Variants in HS6ST3 observed in about 807,000 individuals in gnomAD.
HS6ST3 encodes heparan sulfate 6-O-sulfotransferase 3, also known as heparan-sulfate 6-O-sulfotransferase 3.
A neutral mutation model predicts 36.7 loss-of-function variants in HS6ST3; 12 were observed. The observed-to-expected ratio is 0.33, with a 90% CI of 0.21 to 0.53. The LOEUF (loss-of-function observed/expected upper bound fraction) is 0.53. Among genes scored for constraint, HS6ST3 ranks in the 20% least tolerant of loss-of-function variants. The probability of loss-of-function intolerance (pLI) is 0.95; values close to 1 mark genes in which losing one functional copy is unlikely to be tolerated. For missense variants in HS6ST3, 584 were observed against 640.9 expected, an observed-to-expected ratio of 0.91 and a Z score of 0.96; for synonymous variants, 240 against 257.5, an observed-to-expected ratio of 0.93 and a Z score of 0.65.
At chr13:96,615,135 T>C (rs982617186) in intron 1 of HS6ST3, among the ~76,000 whole-genome samples, 1 of 152,186 alleles carries the variant, frequency 6.6e-6, no homozygotes, top group African/African-American at 2.4e-5. Context: ...ATTGTGGTTT[T>C]TGCTATTAAT....
chr13:96,245,039 G>A (rs1291860652), intron 1 of HS6ST3, among the ~76,000 whole-genome samples: 1 of 152,086 alleles, frequency 6.6e-6, no homozygotes, highest in Non-Finnish European at 1.5e-5. Flanking sequence ...ATTTTACTTC[G>A]TAGCCTACTT....
At chr13:96,292,783 T>G (rs956495353) in intron 1 of HS6ST3, among the ~76,000 whole-genome samples, 5 of 152,270 alleles carry the variant, frequency 3.3e-5, no homozygotes, top group Non-Finnish European at 7.4e-5. Context: ...TTTCTAGTTA[T>G]TAAATTGAAA....
intron 1 of HS6ST3, among the ~76,000 whole-genome samples, chr13:96,356,070 A>C (rs1021825719): frequency 6.6e-6 from 1 of 152,174 alleles, no homozygotes; most frequent in African/African-American, 2.4e-5. Flanking sequence ...CCACATATTC[A>C]GGCTCATATT....
intron 1 of HS6ST3, among the ~76,000 whole-genome samples, chr13:96,227,414 G>C (rs554418782): frequency 6.6e-6 from 1 of 152,156 alleles, no homozygotes; most frequent in Non-Finnish European, 1.5e-5. Context: ...CAGATGTTAC[G>C]ATGAGGTAAA....
chr13:96,240,656 C>T (rs1178811425), intron 1 of HS6ST3, among the ~76,000 whole-genome samples: 2 of 151,980 alleles, frequency 1.3e-5, no homozygotes, highest in Non-Finnish European at 2.9e-5. Context: ...AGAAAAGTGG[C>T]AGAGATGGGT....
chr13:96,178,961 T>C (rs1594705892), intron 1 of HS6ST3, among the ~76,000 whole-genome samples: 1 of 152,264 alleles, frequency 6.6e-6, no homozygotes. Flanking sequence ...TACTAAGAAA[T>C]GGAGAGATTT....
intron 1 of HS6ST3, among the ~76,000 whole-genome samples, chr13:96,556,777 T>C (rs2056242594): frequency 6.6e-6 from 1 of 152,136 alleles, no homozygotes; most frequent in African/African-American, 2.4e-5. Context: ...ACCATCCACT[T>C]CTATGAGAAG....
intron 1 of HS6ST3, among the ~76,000 whole-genome samples, chr13:96,098,056 G>A (rs1292931704): frequency 2.0e-5 from 3 of 152,222 alleles, no homozygotes; most frequent in African/African-American, 7.2e-5. Flanking sequence ...AGTAAATATG[G>A]AGACCAGAGC....
At chr13:96,252,773 A>G (rs2054613412) in intron 1 of HS6ST3, among the ~76,000 whole-genome samples, 1 of 151,936 alleles carries the variant, frequency 6.6e-6, no homozygotes, top group Non-Finnish European at 1.5e-5. Flanking sequence ...TGCCCTCACA[A>G]TACTGAGTTT....
At chr13:96,442,546 T>G (rs1209653481) in intron 1 of HS6ST3, among the ~76,000 whole-genome samples, 1 of 152,162 alleles carries the variant, frequency 6.6e-6, no homozygotes, top group Non-Finnish European at 1.5e-5. Flanking sequence ...AGTTATGCAC[T>G]CTTTCTTAGG....
intron 1 of HS6ST3, among the ~76,000 whole-genome samples, chr13:96,142,788 G>T (rs562765684): frequency 6.6e-6 from 1 of 151,892 alleles, no homozygotes; most frequent in Non-Finnish European, 1.5e-5. Flanking sequence ...TATCCTTCTC[G>T]TGTGCTTATA....
intron 1 of HS6ST3, among the ~76,000 whole-genome samples, chr13:96,759,849 G>C (rs747325709): frequency 1.3e-5 from 2 of 151,668 alleles, no homozygotes; most frequent in Non-Finnish European, 2.9e-5. Flanking sequence ...GGATGTGAAG[G>C]GTCTATCCTA....
At chr13:96,098,075 C>CT (rs1337798205) in intron 1 of HS6ST3, among the ~76,000 whole-genome samples, 1 of 152,092 alleles carries the variant, frequency 6.6e-6, no homozygotes, top group African/African-American at 2.4e-5. Context: ...GCTTATTGGA[C>CT]TTATTGGACT....
intron 1 of HS6ST3, among the ~76,000 whole-genome samples, chr13:96,135,892 C>T (rs964986017): frequency 4.6e-5 from 7 of 152,236 alleles, no homozygotes; most frequent in Admixed American, 3.9e-4. Context: ...AGCACCTCCA[C>T]CCCCACCAAC....
At chr13:96,333,326 A>T (rs750212255) in intron 1 of HS6ST3, among the ~76,000 whole-genome samples, 35 of 152,216 alleles carry the variant, frequency 2.3e-4, no homozygotes, top group Non-Finnish European at 4.4e-4. Flanking sequence ...CACAGTGTAG[A>T]TGTAGAGCAA....
intron 1 of HS6ST3, among the ~76,000 whole-genome samples, chr13:96,589,708 T>C (rs2056375806): frequency 1.3e-5 from 2 of 152,160 alleles, no homozygotes; most frequent in African/African-American, 4.8e-5. Flanking sequence ...TTTGTATTTC[T>C]GTATTTAATT....
intron 1 of HS6ST3, among the ~76,000 whole-genome samples, chr13:96,205,016 A>G (rs959630626): frequency 7.9e-5 from 12 of 152,264 alleles, no homozygotes; most frequent in African/African-American, 2.9e-4. Context: ...ATAGAGACAC[A>G]AAAAACTCTT....
At chr13:96,285,010 C>T (rs137980377) in intron 1 of HS6ST3, among the ~76,000 whole-genome samples, 21 of 149,718 alleles carry the variant, frequency 1.4e-4, no homozygotes, top group African/African-American at 4.4e-4. Context: ...TGAGAATGTG[C>T]GTTGGCTGTG....
Position 96,443,529 on chromosome 13 carries a change from C to CAAAAA in HS6ST3, c.707+351976_707+351980dup, listed in dbSNP as rs10676564. Among the ~76,000 whole-genome samples, 10 of 76,400 alleles carry CAAAAA rather than the reference C, an allele frequency of 1.3e-4. 1 individual carries two copies. The highest frequency in any genetic ancestry group is 1.5e-4 in the Admixed American group (1 of 6,680). The allele number at this position is 76,400 out of a possible 152,430, so 50.1% of individuals were successfully genotyped here. On this transcript the variant is annotated intron_variant, in intron 1 of 1. Coordinates refer to ENST00000376705, the MANE Select transcript of HS6ST3 (RefSeq NM_153456.4). ...TGGGGGACAGAGCGAGACTCCGTCT[C>CAAAAA]AAAAAAAAAAAAAAAAAAAAGCAGA...
Sources: gnomAD v4.1 joint callset for allele counts (sites outside exome capture counted in the v4.1 genomes callset) on GRCh38, gnomAD v4.1.1 for gene constraint, MANE v1.5 for transcripts, NCBI Gene and HGNC (gene_info 2026-07-23, HGNC 2026-07-21) for gene names.